EEF1AKMT2: variants seen among roughly 807,000 people sequenced by gnomAD.
EEF1AKMT2 encodes eukaryotic translation elongation factor 1 alpha lysine methyltransferase 2.
A neutral mutation model predicts 35.8 loss-of-function variants in EEF1AKMT2; 32 were observed. The observed-to-expected ratio is 0.89, with a 90% CI of 0.67 to 1.20. The LOEUF is 1.20. Among genes scored for constraint, EEF1AKMT2 ranks in the 50% most tolerant of loss-of-function variants. EEF1AKMT2 has a pLI of 0.00. For synonymous variants in EEF1AKMT2, 121 were observed against 133.7 expected, an observed-to-expected ratio of 0.91 and a Z score of 0.65; for missense variants, 330 against 347.5, an observed-to-expected ratio of 0.95 and a Z score of 0.40.
At chr10:124,756,395 T>C (rs1351744975), downstream of EEF1AKMT2, among the ~76,000 whole-genome samples, 4 of 152,318 alleles carry the variant, frequency 2.6e-5, no homozygotes, top group East Asian at 7.7e-4. Context: ...CCTATACATT[T>C]CAGTTTTTGA....
rs371072046 is a variant in EEF1AKMT2, at chr10:124,757,856, A to G, written c.*2647T>C. ...TACTTATTTTTAAATGGCTTTAGTC[A>G]GGCTGCCAAGAGTGATATCAGGTTT... On this transcript the variant is annotated 3_prime_UTR_variant, in exon 7 of 7. Coordinates refer to ENST00000368836, the MANE Select transcript of EEF1AKMT2 (RefSeq NM_212554.4). 2.6e-5 allele frequency: 4 copies of G among 152,316 alleles called. No homozygotes were observed. In the East Asian group the frequency reaches 5.8e-4, roughly 22 times the overall value. 9.4% of individuals were successfully genotyped at this position (152,316 alleles called of 1,614,324 possible).
At chr10:124,784,129 T>C (rs1229532422) in intron 3 of EEF1AKMT2, among the ~76,000 whole-genome samples, 1 of 152,172 alleles carries the variant, frequency 6.6e-6, no homozygotes, top group African/African-American at 2.4e-5. Context: ...TGGCAATACA[T>C]ACATTTTTCA....
intron 4 of EEF1AKMT2, among the ~76,000 whole-genome samples, chr10:124,772,420 C>CTTTT (rs59707540): frequency 4.5e-4 from 34 of 75,388 alleles, no homozygotes; most frequent in Admixed American, 1.1e-3. Flanking sequence ...TTTTCTTTTT[C>CTTTT]TTTTTTTTTT....
At chr10:124,775,365 GTTTC>G (rs1187498474) in intron 3 of EEF1AKMT2, among the ~76,000 whole-genome samples, 2 of 152,108 alleles carry the variant, frequency 1.3e-5, no homozygotes, top group African/African-American at 2.4e-5. Flanking sequence ...TCCCCAAGAA[GTTTC>G]TTTAACTCAA....
chr10:124,784,302 C>A (rs1459072202), intron 3 of EEF1AKMT2, among the ~76,000 whole-genome samples: 1 of 151,380 alleles, frequency 6.6e-6, no homozygotes, highest in Non-Finnish European at 1.5e-5. Flanking sequence ...AGAAAAATCC[C>A]AAAAACATGG....
At chr10:124,768,704 G>A (rs1950402012) in intron 4 of EEF1AKMT2, among the ~76,000 whole-genome samples, 2 of 151,620 alleles carry the variant, frequency 1.3e-5, no homozygotes, top group African/African-American at 4.8e-5. Context: ...GAGCCAGGAT[G>A]GTGCCACTGC....
chr10:124,757,859 C>T lies in EEF1AKMT2; in HGVS notation c.*2644G>A, dbSNP rs1022938114. 5 of 152,180 alleles carry T rather than the reference C, an allele frequency of 3.3e-5. No individual in the cohort carries two copies. The highest frequency in any genetic ancestry group is 7.2e-5 in the African/African-American group (3 of 41,430). 9.4% of individuals were successfully genotyped at this position (152,180 alleles called of 1,614,324 possible). ...TTATTTTTAAATGGCTTTAGTCAGG[C>T]TGCCAAGAGTGATATCAGGTTTGAT... On this transcript the variant is annotated 3_prime_UTR_variant, in exon 7 of 7. Coordinates refer to ENST00000368836, the MANE Select transcript of EEF1AKMT2 (RefSeq NM_212554.4).
chr10:124,764,239 T>C (rs1950357706), intron 5 of EEF1AKMT2, among the ~76,000 whole-genome samples: 1 of 150,052 alleles, frequency 6.7e-6, no homozygotes, highest in Non-Finnish European at 1.5e-5. Context: ...AAATATTGAG[T>C]ACCATATTAT....
At chr10:124,767,069 G>A (rs1253131940) in intron 4 of EEF1AKMT2, among the ~76,000 whole-genome samples, 1 of 150,290 alleles carries the variant, frequency 6.7e-6, no homozygotes, top group Non-Finnish European at 1.5e-5. Context: ...GCTGAGGCAG[G>A]AGAATGGCGT....
chr10:124,789,183 C>G, intron 2 of EEF1AKMT2, 26 bp from the exon 3 acceptor site: 1 of 1,507,206 alleles, frequency 6.6e-7, no homozygotes. Context: ...AGTCAAATAA[C>G]TGAGGGATAC....
Position 124,769,218 on chromosome 10 carries a change from C to CACAAAAAAAAAAAAAAAAAAAAAAA in EEF1AKMT2, c.400-3611_400-3610insTTTTTTTTTTTTTTTTTTTTTTTGT. ...GGGCTACAGGGCAAGACACTGTCTC[C>CACAAAAAAAAAAAAAAAAAAAAAAA]AAAAAAAAAAAAAAAATATATATAT... On this transcript the variant is annotated intron_variant, in intron 4 of 6. Coordinates refer to ENST00000368836, the MANE Select transcript of EEF1AKMT2 (RefSeq NM_212554.4). Among the ~76,000 whole-genome samples, 202 of 31,284 alleles carry CACAAAAAAAAAAAAAAAAAAAAAAA rather than the reference C, an allele frequency of 6.5e-3. 93 individuals carry two copies. Among genetic ancestry groups the CACAAAAAAAAAAAAAAAAAAAAAAA allele is most frequent in the East Asian group, 0.015 (12 of 816 alleles). The allele number at this position is 31,284 out of a possible 152,430, so 20.5% of individuals were successfully genotyped here.
chr10:124,774,341 C>T (rs1950467540), intron 4 of EEF1AKMT2, among the ~76,000 whole-genome samples: 2 of 138,870 alleles, frequency 1.4e-5, no homozygotes, highest in Non-Finnish European at 3.0e-5. Context: ...CACTCCAGCC[C>T]TCCAGCCTGG....
At chr10:124,772,942 T>C (rs201331230) in intron 4 of EEF1AKMT2, among the ~76,000 whole-genome samples, 1 of 152,234 alleles carries the variant, frequency 6.6e-6, no homozygotes, top group East Asian at 1.9e-4. Flanking sequence ...GCTGTTTGAC[T>C]TTCTCATCAT....
At chr10:124,781,183 A>G (rs1950536443) in intron 3 of EEF1AKMT2, among the ~76,000 whole-genome samples, 1 of 151,808 alleles carries the variant, frequency 6.6e-6, no homozygotes, top group African/African-American at 2.4e-5. Context: ...CGACCTCGTG[A>G]TCTGCCCGCC....
chr10:124,756,982 C>T (rs1950291266), downstream of EEF1AKMT2, among the ~76,000 whole-genome samples: 1 of 152,148 alleles, frequency 6.6e-6, no homozygotes, highest in South Asian at 2.1e-4. Flanking sequence ...CTTCTATGGA[C>T]ATCTCTGTTT....
chr10:124,761,612 T>C (rs1199988137), intron 6 of EEF1AKMT2, among the ~76,000 whole-genome samples: 1 of 152,140 alleles, frequency 6.6e-6, no homozygotes, highest in Non-Finnish European at 1.5e-5. Flanking sequence ...GAATCTAAAA[T>C]CCTAGGTGAA....
At chr10:124,770,947 T>G (rs1343786101) in intron 4 of EEF1AKMT2, among the ~76,000 whole-genome samples, 3 of 152,184 alleles carry the variant, frequency 2.0e-5, no homozygotes, top group Non-Finnish European at 4.4e-5. Flanking sequence ...AGTTAATTCC[T>G]CCATTGAAAT....
intron 6 of EEF1AKMT2, among the ~76,000 whole-genome samples, chr10:124,761,745 G>A (rs973845827): frequency 4.6e-5 from 7 of 152,006 alleles, no homozygotes; most frequent in Admixed American, 1.3e-4. Context: ...GCAACATGGC[G>A]AAACCCCATC....
intron 4 of EEF1AKMT2, among the ~76,000 whole-genome samples, chr10:124,770,276 G>A (rs1040703175): frequency 1.3e-5 from 2 of 152,128 alleles, no homozygotes; most frequent in African/African-American, 4.8e-5. Context: ...AATTAGCTGG[G>A]TGTGGTGGCG....
Sources: gnomAD v4.1 joint callset for allele counts (sites outside exome capture counted in the v4.1 genomes callset) on GRCh38, gnomAD v4.1.1 for gene constraint, MANE v1.5 for transcripts, NCBI Gene and HGNC (gene_info 2026-07-23, HGNC 2026-07-21) for gene names.